Variants in DCAF6 observed in about 807,000 individuals in gnomAD.
DCAF6 encodes the protein DDB1 and CUL4 associated factor 6, also known as DDB1- and CUL4-associated factor 6.
A neutral mutation model predicts 125.1 loss-of-function variants in DCAF6; 54 were observed. The ratio of observed to expected loss-of-function variants is 0.43; its 90% confidence interval spans 0.35 to 0.54. The LOEUF is 0.54. Ranked by LOEUF, DCAF6 falls within the 20% of genes least tolerant of loss-of-function variation. DCAF6 has a pLI of 0.01. For synonymous variants in DCAF6, 371 were observed against 390.4 expected (o/e 0.95, Z 0.58); for missense variants, 934 against 1,161.7 (o/e 0.80, Z 2.85).
At position 168,049,679 on chromosome 1, in the gene DCAF6, G is replaced by A. The variant is rs551959474; in HGVS notation, c.2259-1213G>A. Among the ~76,000 whole-genome samples, 787 of 116,898 alleles carry A rather than the reference G, an allele frequency of 6.7e-3. 11 individuals carry two copies. Among genetic ancestry groups the A allele is most frequent in the Middle Eastern group, 0.027 (4 of 150 alleles). The allele number at this position is 116,898 out of a possible 152,430, so 76.7% of individuals were successfully genotyped here. On this transcript the variant is annotated intron_variant, in intron 16 of 21. Transcript: ENST00000367840. ...TTTTTTTTTTTTTTTTTTTGGAGAC[G>A]GAGTCTCGCTCCCTCACCCAGGCTG... is the stretch of plus-strand genomic sequence containing the variant.
At chr1:168,050,193 A>G (rs1384190656) in intron 16 of DCAF6, among the ~76,000 whole-genome samples, 1 of 152,006 alleles carries the variant, frequency 6.6e-6, no homozygotes, top group African/African-American at 2.4e-5. Flanking sequence ...TTTATCCTAT[A>G]TTGCCCTTTA....
chr1:168,007,781 C>T (rs1457058562), intron 10 of DCAF6, among the ~76,000 whole-genome samples: 2 of 151,900 alleles, frequency 1.3e-5, no homozygotes. Flanking sequence ...CTTCTCTTCT[C>T]TTTACATACA....
chr1:167,991,439 C>T (rs1026159715), intron 6 of DCAF6, 100 bp downstream of exon 6: 12 of 1,181,398 alleles, frequency 1.0e-5, no homozygotes, highest in African/African-American at 4.7e-5. Context: ...TATAAAATTT[C>T]AGAAAATAGT....
chr1:167,938,936 T>G (rs1250468155), intron 1 of DCAF6, among the ~76,000 whole-genome samples: 2 of 152,186 alleles, frequency 1.3e-5, no homozygotes, highest in African/African-American at 2.4e-5. Flanking sequence ...TGAATTACAG[T>G]TTTTCAAATG....
chr1:167,938,842 T>G (rs1671776916), intron 1 of DCAF6, among the ~76,000 whole-genome samples: 1 of 152,160 alleles, frequency 6.6e-6, no homozygotes, highest in African/African-American at 2.4e-5. Context: ...CTTTTCCCCC[T>G]CCTACTCCAA....
At chr1:167,966,209 G>A (rs569379955) in intron 2 of DCAF6, among the ~76,000 whole-genome samples, 1 of 152,108 alleles carries the variant, frequency 6.6e-6, no homozygotes, top group Non-Finnish European at 1.5e-5. Flanking sequence ...AGTATGGAGT[G>A]GCAACTGCTA....
At chr1:168,055,025 T>G (rs778785543) in intron 17 of DCAF6, among the ~76,000 whole-genome samples, 1 of 152,152 alleles carries the variant, frequency 6.6e-6, no homozygotes, top group Non-Finnish European at 1.5e-5. Flanking sequence ...TAACTTGATA[T>G]ACTGAAGAAC....
At chr1:167,925,474 T>TATAC in the DCAF6 span, among the ~76,000 whole-genome samples, 48 of 96,808 alleles carry the variant, frequency 5.0e-4, 1 homozygote, top group South Asian at 0.011. Flanking sequence ...TATATATATA[T>TATAC]ACATATACAT....
the DCAF6 span, among the ~76,000 whole-genome samples, chr1:167,910,146 G>A: frequency 2.2e-4 from 33 of 152,260 alleles, no homozygotes; most frequent in South Asian, 8.3e-4. Context: ...TCTTTAACCC[G>A]GGTGTCTAAG....
intron 11 of DCAF6, among the ~76,000 whole-genome samples, chr1:168,017,496 T>C (rs550642731): frequency 2.6e-5 from 4 of 152,088 alleles, no homozygotes; most frequent in Non-Finnish European, 5.9e-5. Context: ...CGGATTTGAA[T>C]TGAAGCAAGC....
the DCAF6 span, among the ~76,000 whole-genome samples, chr1:167,893,061 G>A: frequency 6.6e-6 from 1 of 152,140 alleles, no homozygotes; most frequent in Non-Finnish European, 1.5e-5. Flanking sequence ...AATTCACATG[G>A]AATAATAAAT....
the DCAF6 span, among the ~76,000 whole-genome samples, chr1:167,885,637 G>T: frequency 6.6e-6 from 1 of 151,162 alleles, no homozygotes; most frequent in Non-Finnish European, 1.5e-5. Flanking sequence ...TTTTTTTTGA[G>T]ACGGAGTCTC....
chr1:167,880,437 C>T, the DCAF6 span: 1 of 1,307,404 alleles, frequency 7.6e-7, no homozygotes, highest in Admixed American at 1.7e-5. Context: ...GCCCTCCCTA[C>T]TTATGCCTCA....
At chr1:167,881,281 A>C in the DCAF6 span, among the ~76,000 whole-genome samples, 3 of 152,252 alleles carry the variant, frequency 2.0e-5, no homozygotes, top group African/African-American at 4.8e-5. Context: ...CACTTAAAAA[A>C]TGACCTCAGT....
At chr1:168,021,277 A>G (rs1269762931) in intron 11 of DCAF6, among the ~76,000 whole-genome samples, 1 of 152,154 alleles carries the variant, frequency 6.6e-6, no homozygotes, top group African/African-American at 2.4e-5. Context: ...CGGCTCTTAA[A>G]TTGTTAAATG....
At chr1:167,924,408 G>A in the DCAF6 span, 1 of 1,082,564 alleles carries the variant, frequency 9.2e-7, no homozygotes, top group Non-Finnish European at 1.4e-6. Context: ...ATACTCTAAA[G>A]TATATCCTTC....
rs188748027 is a variant in DCAF6 at position 168,029,702 on chromosome 1, C to T, written c.1609+6655C>T. ...GGTGGTTAAGAATCATGTCTAAGGCCGGGCGTGGTGGCTCACGCCTGTAAT... is the reference window on the plus strand; with the variant it reads ...GGTGGTTAAGAATCATGTCTAAGGCTGGGCGTGGTGGCTCACGCCTGTAAT... On this transcript the variant is annotated intron_variant, in intron 12 of 21. Coordinates refer to ENST00000367840, the MANE Select transcript of DCAF6 (RefSeq NM_001198956.2). Among the ~76,000 whole-genome samples the T allele has an allele frequency of 1.5e-4, 23 of 152,180 alleles. No homozygotes were observed. In the South Asian group the frequency reaches 3.9e-3, roughly 26 times the overall value.
intron 17 of DCAF6, among the ~76,000 whole-genome samples, chr1:168,062,150 T>TA (rs1048615322): frequency 3.3e-5 from 5 of 151,844 alleles, no homozygotes; most frequent in Admixed American, 6.6e-5. Context: ...AAGCTAGACA[T>TA]AAAAAAAATG....
At chr1:167,908,425 T>C in the DCAF6 span, among the ~76,000 whole-genome samples, 1 of 152,216 alleles carries the variant, frequency 6.6e-6, no homozygotes, top group South Asian at 2.1e-4. Context: ...GAGATGTTGG[T>C]GGCTGAAGGA....
Sources: allele counts gnomAD v4.1 joint callset (sites outside exome capture counted in the v4.1 genomes callset), GRCh38; gene constraint gnomAD v4.1.1; transcripts MANE v1.5; gene names NCBI Gene and HGNC (gene_info 2026-07-23, HGNC 2026-07-21).